TGIF1: variants seen among roughly 807,000 people sequenced by gnomAD.
TGIF1 encodes the protein TGFB induced factor homeobox 1.
Under a neutral mutation model 19.3 loss-of-function variants are expected in TGIF1, and 4 were observed. The observed-to-expected ratio is 0.21, with a 90% CI of 0.10 to 0.47. The LOEUF (loss-of-function observed/expected upper bound fraction) is 0.47, where lower values mean the gene tolerates loss of function less well. Ranked by LOEUF, TGIF1 falls within the 20% of genes least tolerant of loss-of-function variation. TGIF1 has a pLI of 0.98. For synonymous variants in TGIF1, 122 were observed against 129.3 expected, an observed-to-expected ratio of 0.94 and a Z score of 0.38; for missense variants, 275 against 341.4, an observed-to-expected ratio of 0.81 and a Z score of 1.53.
rs2082929988 is a variant in TGIF1 at position 3,451,535 on chromosome 18, G to C, written c.16+1030G>C. On this transcript the variant is annotated intron_variant, in intron 1 of 2. Transcript: ENST00000343820. This position sits in a 1 kb window ranked among gnomAD's most constrained non-coding sequence, Gnocchi z 5.4. Reference sequence around the variant, plus strand: ...AACAGAAGTTAATCACTCGGGAAGCGGACGGGAGGGGCGGCGCTACTGCGC... The same window carrying C: ...AACAGAAGTTAATCACTCGGGAAGCCGACGGGAGGGGCGGCGCTACTGCGC... The C allele has an allele frequency of 1.0e-6, 1 of 1,004,510 alleles. No homozygotes were observed. Among genetic ancestry groups the C allele is most frequent in the Non-Finnish European group, 1.2e-6 (1 of 843,624 alleles). The allele number at this position is 1,004,510 out of a possible 1,614,324, so 62.2% of individuals were successfully genotyped here.
In TGIF1 at chr18:3,432,144, A is replaced by AAAAAAG. The variant is rs199561203; in HGVS notation, c.-45+13929_-45+13930insAAAAAG. Among the ~76,000 whole-genome samples the AAAAAAG allele has an allele frequency of 1.4e-5, 2 of 138,464 alleles. 1 individual carries two copies. 90.8% of individuals were successfully genotyped at this position (138,464 alleles called of 152,430 possible). A position where few individuals can be genotyped will look rare whatever the true frequency, so the allele number is the denominator to read the frequency against. On this transcript the variant is annotated intron_variant, in intron 2 of 3. Transcript: ENST00000401449. ...CTGTCAAAAAAAAAAAAAAAAAAAA[A>AAAAAAG]CACTAAGAAAGCTAAGGAAGGCGAA...
intron 1 of TGIF1, chr18:3,452,365 T>C: frequency 6.2e-7 from 1 of 1,613,262 alleles, no homozygotes; most frequent in African/African-American, 1.3e-5. Flanking sequence ...CGGCGCCGAC[T>C]CCTGGAAACA....
intron 2 of TGIF1, among the ~76,000 whole-genome samples, chr18:3,445,092 G>A (rs2082722727): frequency 6.6e-6 from 1 of 152,188 alleles, no homozygotes; most frequent in South Asian, 2.1e-4. Context: ...GAATGATCCA[G>A]CCCCAAACGT....
chr18:3,445,765 CAAAAAAAAAAAAAA>C (rs755240649), upstream of TGIF1, among the ~76,000 whole-genome samples: 1 of 35,848 alleles, frequency 2.8e-5, no homozygotes, highest in East Asian at 1.3e-3. Flanking sequence ...AGAAGAAAAG[CAAAAAAAAAAAAAA>C]AAAAAAAAGC....
At chr18:3,449,504 G>T, upstream of TGIF1, 1 of 985,482 alleles carries the variant, frequency 1.0e-6, no homozygotes, top group African/African-American at 1.7e-5. Context: ...TTAGCCCGGG[G>T]GAACAGACGT....
chr18:3,447,670 T>A, upstream of TGIF1: 1 of 1,585,558 alleles, frequency 6.3e-7, no homozygotes, highest in African/African-American at 1.3e-5. Flanking sequence ...CTGTAAGCTT[T>A]CGCTACATCA....
intron 1 of TGIF1, among the ~76,000 whole-genome samples, chr18:3,453,274 A>G (rs2083045290): frequency 6.6e-6 from 1 of 152,144 alleles, no homozygotes; most frequent in Non-Finnish European, 1.5e-5. Context: ...TTGTTGAGTT[A>G]AATTTGCTTT....
chr18:3,416,950 A>C (rs4797115), intron 1 of TGIF1, among the ~76,000 whole-genome samples: 120,068 of 151,714 alleles, frequency 0.79, 47,813 homozygotes, highest in African/African-American at 0.88. Context: ...ACAACAACAA[A>C]AAAAAGATTT....
At chr18:3,427,149 G>A (rs1223444498) in intron 2 of TGIF1, among the ~76,000 whole-genome samples, 2 of 151,952 alleles carry the variant, frequency 1.3e-5, no homozygotes, top group East Asian at 3.9e-4. Flanking sequence ...TCACCATGTT[G>A]GCCAGGCTAG....
chr18:3,447,539 G>C (rs2082764052), upstream of TGIF1: 1 of 676,442 alleles, frequency 1.5e-6, no homozygotes, highest in African/African-American at 1.8e-5. Flanking sequence ...CCTTTGTTAC[G>C]TTGCGCTGAC....
intron 2 of TGIF1, among the ~76,000 whole-genome samples, chr18:3,423,443 G>T (rs1341005269): frequency 6.6e-6 from 1 of 152,008 alleles, no homozygotes; most frequent in Non-Finnish European, 1.5e-5. Flanking sequence ...ACTTTGGGAG[G>T]CCAGGGCGGG....
chr18:3,448,113 T>TG (rs2082780194), upstream of TGIF1: 1 of 983,270 alleles, frequency 1.0e-6, no homozygotes, highest in Admixed American at 6.2e-5. Flanking sequence ...AGGCGTGTTT[T>TG]GTGGAGTGGC....
rs1214267150 is a variant in TGIF1, at chr18:3,456,284, C to T, written c.17-70C>T. 1.9e-5 allele frequency: 26 copies of T among 1,390,226 alleles called. 1 individual carries two copies. In the South Asian group the frequency reaches 2.2e-4, roughly 12 times the overall value. 86.1% of individuals were successfully genotyped at this position (1,390,226 alleles called of 1,614,324 possible). On this transcript the variant is annotated intron_variant, in intron 1 of 2. Transcript: ENST00000343820. This position sits in a 1 kb window ranked among gnomAD's most constrained non-coding sequence, Gnocchi z 4.2. ...AAGCATGGTTACATTGAATGGTCAG[C>T]GTTAAGTGAGCTTTGCAATAGTTGC... is the stretch of plus-strand genomic sequence containing the variant.
chr18:3,453,754 G>C, intron 1 of TGIF1: 4 of 977,346 alleles, frequency 4.1e-6, no homozygotes, highest in Non-Finnish European at 4.9e-6. Context: ...GGGATCCTCA[G>C]GCCATGTTGT....
At chr18:3,413,514 ATTTT>A (rs1415755803) in intron 1 of TGIF1, among the ~76,000 whole-genome samples, 15 of 152,208 alleles carry the variant, frequency 9.9e-5, no homozygotes. Context: ...CTCTGAGTAG[ATTTT>A]GGAGTTCTCT....
rs2082946213 is a variant in TGIF1 at position 3,451,793 on chromosome 18, C to T, written c.16+1288C>T. 3 of 1,292,486 alleles carry T rather than the reference C, an allele frequency of 2.3e-6. No individual in the cohort carries two copies. In the South Asian group the frequency reaches 8.5e-5, roughly 36 times the overall value. The allele number at this position is 1,292,486 out of a possible 1,614,324, so 80.1% of individuals were successfully genotyped here. On this transcript the variant is annotated intron_variant, in intron 1 of 2. Coordinates refer to ENST00000343820, the MANE Select transcript of TGIF1 (RefSeq NM_003244.4). This position sits in a 1 kb window ranked among gnomAD's most constrained non-coding sequence, Gnocchi z 5.4. ...CGTTGTTGGTAGAACGCCCTAAGGA[C>T]CCCTCCCCGCGGGACGGAGGGAGGA...
intron 2 of TGIF1, among the ~76,000 whole-genome samples, chr18:3,421,817 C>A (rs959722968): frequency 6.6e-6 from 1 of 151,950 alleles, no homozygotes; most frequent in South Asian, 2.1e-4. Context: ...TTGCAAAAGA[C>A]GGCATTGTTA....
chr18:3,448,715 G>GTTTTTTT (rs2082800740), upstream of TGIF1: 1 of 429,364 alleles, frequency 2.3e-6, no homozygotes, highest in African/African-American at 4.5e-5. Flanking sequence ...GGGCGGGGGT[G>GTTTTTTT]TCTTTTTTTT....
intron 2 of TGIF1, among the ~76,000 whole-genome samples, chr18:3,442,143 TTTAC>T (rs1478260645): frequency 6.6e-6 from 1 of 152,214 alleles, no homozygotes; most frequent in African/African-American, 2.4e-5. Context: ...TGTCTTTTAT[TTTAC>T]TTGTCTTCCT....
Sources: gnomAD v4.1 joint callset for allele counts (sites outside exome capture counted in the v4.1 genomes callset) on GRCh38, gnomAD v4.1.1 for gene constraint, Gnocchi (gnomAD v3.1) non-coding constraint, MANE v1.5 for transcripts, NCBI Gene and HGNC (gene_info 2026-07-23, HGNC 2026-07-21) for gene names.